CYP20A1: variants seen among roughly 807,000 people sequenced by gnomAD.
The protein encoded by CYP20A1 is cytochrome P450 20A1.
Under a neutral mutation model 61.4 loss-of-function variants are expected in CYP20A1, and 61 were observed. That is an observed-to-expected ratio of 0.99 (90% CI 0.81 to 1.23). The LOEUF is 1.23. Among genes scored for constraint, CYP20A1 ranks in the 50% most tolerant of loss-of-function variants. The pLI, the probability that CYP20A1 is intolerant of heterozygous loss-of-function variation, is 0.00. For missense variants in CYP20A1, 530 were observed against 542.4 expected, an observed-to-expected ratio of 0.98 and a Z score of 0.23; for synonymous variants, 193 against 188.2, an observed-to-expected ratio of 1.03 and a Z score of -0.21.
intron 9 of CYP20A1, among the ~76,000 whole-genome samples, chr2:203,288,140 A>G (rs1575263547): frequency 8.0e-6 from 1 of 125,744 alleles, no homozygotes; most frequent in Admixed American, 9.7e-5. Flanking sequence ...ATCTCAGCTC[A>G]CTGCACCCTC....
At chr2:203,285,248 G>A (rs2068216398) in intron 8 of CYP20A1, among the ~76,000 whole-genome samples, 1 of 152,110 alleles carries the variant, frequency 6.6e-6, no homozygotes, top group Non-Finnish European at 1.5e-5. Flanking sequence ...ATAAGGTTGA[G>A]TGCATGAGAT....
intron 4 of CYP20A1, among the ~76,000 whole-genome samples, chr2:203,261,505 T>C (rs2067136021): frequency 7.1e-6 from 1 of 140,112 alleles, no homozygotes; most frequent in Non-Finnish European, 1.5e-5. Context: ...GCCCAGGAGC[T>C]ACAGGATGCA....
intron 8 of CYP20A1, among the ~76,000 whole-genome samples, chr2:203,283,774 C>G (rs1483965061): frequency 1.3e-5 from 2 of 151,860 alleles, no homozygotes; most frequent in South Asian, 2.1e-4. Context: ...GTCTCGTTCT[C>G]TTGACCTTGT....
intron 4 of CYP20A1, among the ~76,000 whole-genome samples, chr2:203,265,034 C>G (rs921381200): frequency 1.3e-5 from 2 of 152,170 alleles, no homozygotes; most frequent in African/African-American, 4.8e-5. Context: ...TGACCTCTTT[C>G]ATGCCTTCTT....
intron 5 of CYP20A1, among the ~76,000 whole-genome samples, chr2:203,267,068 G>T (rs1030172196): frequency 6.6e-6 from 1 of 151,124 alleles, no homozygotes. Flanking sequence ...GAGGCAGGAG[G>T]GATTGATTAC....
intron 6 of CYP20A1, among the ~76,000 whole-genome samples, chr2:203,274,141 G>C (rs1433757154): frequency 6.6e-6 from 1 of 151,062 alleles, no homozygotes; most frequent in Non-Finnish European, 1.5e-5. Context: ...TGTATTCTCT[G>C]TCAGTGGTTG....
chr2:203,291,326 T>C (rs1269201381), intron 10 of CYP20A1, among the ~76,000 whole-genome samples: 1 of 152,228 alleles, frequency 6.6e-6, no homozygotes, highest in African/African-American at 2.4e-5. Context: ...CATTAGCCAC[T>C]GCACTGGGCC....
At chr2:203,279,027 C>T (rs143330272) in intron 7 of CYP20A1, among the ~76,000 whole-genome samples, 515 of 152,142 alleles carry the variant, frequency 3.4e-3, no homozygotes, top group Non-Finnish European at 5.3e-3. Context: ...TGCAGTGGCA[C>T]GATCTCTGCT....
chr2:203,258,005 G>GCACAATT (rs1455916330), intron 4 of CYP20A1, among the ~76,000 whole-genome samples: 53 of 151,434 alleles, frequency 3.5e-4, no homozygotes, highest in Middle Eastern at 3.5e-3. Flanking sequence ...GGGCTGAAGG[G>GCACAATT]ATCCTCCTGC....
At position 203,298,205 on chromosome 2, in the gene CYP20A1, T is replaced by C. The variant is rs541750603; in HGVS notation, c.*1297T>C. On this transcript the variant is annotated 3_prime_UTR_variant, in exon 13 of 13. Coordinates refer to ENST00000356079, the MANE Select transcript of CYP20A1 (RefSeq NM_177538.3). Reference sequence around the variant, plus strand: ...GAGTTTGAGACCAGCCCAGGCAACATTGGGAGACCCTGCCTCTACAAATAT... The same window carrying C: ...GAGTTTGAGACCAGCCCAGGCAACACTGGGAGACCCTGCCTCTACAAATAT... The C allele has an allele frequency of 2.4e-4, 37 of 155,108 alleles. No individual in the cohort carries two copies. In the South Asian group the frequency reaches 5.0e-3, roughly 21 times the overall value. 9.6% of individuals were successfully genotyped at this position (155,108 alleles called of 1,614,324 possible).
At chr2:203,275,957 A>C (rs761058847) in intron 6 of CYP20A1, among the ~76,000 whole-genome samples, 1 of 152,244 alleles carries the variant, frequency 6.6e-6, no homozygotes, top group Non-Finnish European at 1.5e-5. Flanking sequence ...GTAGACAAAA[A>C]TAAAACCAGA....
Position 203,298,991 on chromosome 2 carries a change from T to TGCTAGTGCACTCCAGCCTGGGCGACAGG in CYP20A1, c.*2087_*2114dup. On this transcript the variant is annotated 3_prime_UTR_variant, in exon 13 of 13. Transcript: ENST00000356079. Reference sequence around the variant, plus strand: ...CGGAGGTTGCAGTGAGCTGATGTTGTGCTAGTGCACTCCAGCCTGGGCGAC... The same window carrying TGCTAGTGCACTCCAGCCTGGGCGACAGG: ...CGGAGGTTGCAGTGAGCTGATGTTGTGCTAGTGCACTCCAGCCTGGGCGACAGGGCTAGTGCACTCCAGCCTGGGCGAC... 6.6e-6 allele frequency among the ~76,000 whole-genome samples: 1 copy of TGCTAGTGCACTCCAGCCTGGGCGACAGG among 151,646 alleles called. No homozygotes were observed. Among genetic ancestry groups the TGCTAGTGCACTCCAGCCTGGGCGACAGG allele is most frequent in the South Asian group, 2.1e-4 (1 of 4,794 alleles).
chr2:203,248,768 T>A (rs1345797985), intron 3 of CYP20A1, among the ~76,000 whole-genome samples: 2 of 152,160 alleles, frequency 1.3e-5, no homozygotes, highest in Non-Finnish European at 2.9e-5. Context: ...AGTGCAGCAG[T>A]GCTATCATAG....
At chr2:203,295,747 G>A (rs1213324413) in intron 11 of CYP20A1, among the ~76,000 whole-genome samples, 4 of 151,748 alleles carry the variant, frequency 2.6e-5, no homozygotes, top group African/African-American at 7.3e-5. Flanking sequence ...TCAAGAGATC[G>A]AGACCATCCT....
intron 4 of CYP20A1, among the ~76,000 whole-genome samples, chr2:203,260,921 A>C (rs2067109375): frequency 6.6e-6 from 1 of 152,076 alleles, no homozygotes; most frequent in African/African-American, 2.4e-5. Context: ...TTATATATTT[A>C]ATGTCTTTAA....
rs534705522 is a variant in CYP20A1, at chr2:203,263,002, G to GT, written c.433-3503dup. ...AAGTGCTTTTTGTTTTCTGTTTTTTGTTTTTTTTTGAGACGAAGTCTTGCT... is the reference window on the plus strand; with the variant it reads ...AAGTGCTTTTTGTTTTCTGTTTTTTGTTTTTTTTTTGAGACGAAGTCTTGCT... On this transcript the variant is annotated intron_variant, in intron 4 of 12. Coordinates refer to ENST00000356079, the MANE Select transcript of CYP20A1 (RefSeq NM_177538.3). 6.8e-3 allele frequency among the ~76,000 whole-genome samples: 981 copies of GT among 144,710 alleles called. 10 individuals carry two copies. The highest frequency in any genetic ancestry group is 9.7e-3 in the Non-Finnish European group (641 of 65,788). The allele number at this position is 144,710 out of a possible 152,430, so 94.9% of individuals were successfully genotyped here.
At chr2:203,296,026 A>AT (rs2068782208) in intron 11 of CYP20A1, among the ~76,000 whole-genome samples, 1 of 152,080 alleles carries the variant, frequency 6.6e-6, no homozygotes, top group African/African-American at 2.4e-5. Flanking sequence ...ACTTCGAGAG[A>AT]TTGAGGCAGG....
intron 4 of CYP20A1, among the ~76,000 whole-genome samples, chr2:203,258,373 G>A (rs1019116475): frequency 3.0e-5 from 4 of 134,538 alleles, no homozygotes; most frequent in African/African-American, 1.1e-4. Context: ...GGGCAACATA[G>A]CAGGACCCTA....
At chr2:203,286,145 C>G (rs1007604580) in intron 9 of CYP20A1, among the ~76,000 whole-genome samples, 6 of 152,034 alleles carry the variant, frequency 3.9e-5, no homozygotes, top group Non-Finnish European at 7.4e-5. Flanking sequence ...AAATATTGGC[C>G]AGATGTGCTG....
Sources: gnomAD v4.1 joint callset for allele counts (sites outside exome capture counted in the v4.1 genomes callset) on GRCh38, gnomAD v4.1.1 for gene constraint, MANE v1.5 for transcripts, NCBI Gene and HGNC (gene_info 2026-07-23, HGNC 2026-07-21) for gene names.